Variants in HOOK3 observed in about 807,000 individuals in gnomAD.
The protein encoded by HOOK3 is protein Hook homolog 3.
In HOOK3, 24 loss-of-function variants were observed where a neutral mutation model predicts 116.3. The ratio of observed to expected loss-of-function variants is 0.21; its 90% CI spans 0.15 to 0.29. The LOEUF (loss-of-function observed/expected upper bound fraction) is 0.29, where lower values mean the gene tolerates loss of function less well. Among genes scored for constraint, HOOK3 ranks in the 10% least tolerant of loss-of-function variants. The pLI, the probability that HOOK3 is intolerant of heterozygous loss-of-function variation, is 1.00. For missense variants in HOOK3, 632 were observed against 830.2 expected (o/e 0.76, Z 2.93); for synonymous variants, 275 against 283.0 (o/e 0.97, Z 0.28).
chr8:42,965,094 G>A (rs1475031011), intron 9 of HOOK3, among the ~76,000 whole-genome samples: 1 of 152,242 alleles, frequency 6.6e-6, no homozygotes, highest in Non-Finnish European at 1.5e-5. Context: ...GACCGAGGAA[G>A]AACATTTGTG....
chr8:42,999,817 C>T (rs576061727), intron 16 of HOOK3, among the ~76,000 whole-genome samples: 4 of 152,070 alleles, frequency 2.6e-5, no homozygotes, highest in South Asian at 2.1e-4. Context: ...GATGAGGAGA[C>T]GGTAGAAAAA....
chr8:42,941,258 G>T (rs1178829481), intron 4 of HOOK3, among the ~76,000 whole-genome samples: 1 of 149,016 alleles, frequency 6.7e-6, no homozygotes, highest in Admixed American at 6.6e-5. Context: ...GCTCACACCT[G>T]TAATCCCAGC....
chr8:42,916,114 TCTC>T (rs1385691991), intron 2 of HOOK3, among the ~76,000 whole-genome samples: 4 of 152,116 alleles, frequency 2.6e-5, no homozygotes, highest in Admixed American at 2.6e-4. Flanking sequence ...CCCTTCCCAC[TCTC>T]CTCACCACCT....
chr8:42,978,800 T>C (rs922561907), intron 13 of HOOK3, among the ~76,000 whole-genome samples: 3 of 152,008 alleles, frequency 2.0e-5, no homozygotes, highest in Non-Finnish European at 4.4e-5. Context: ...CTGCCCACCA[T>C]GGCCTCCCAA....
chr8:42,937,620 C>T (rs926601189), intron 4 of HOOK3, among the ~76,000 whole-genome samples: 8 of 152,150 alleles, frequency 5.3e-5, no homozygotes, highest in African/African-American at 1.7e-4. Flanking sequence ...AGAGAACTTA[C>T]TTATTTCTGC....
intron 4 of HOOK3, among the ~76,000 whole-genome samples, chr8:42,941,308 G>T (rs1399855693): frequency 3.3e-5 from 5 of 149,786 alleles, no homozygotes; most frequent in Middle Eastern, 3.2e-3. Flanking sequence ...GAGGTCAGGA[G>T]ATCTAGACCA....
At position 42,974,028 on chromosome 8, in the gene HOOK3, T is replaced by A. The variant is rs1808773013; in HGVS notation, c.1234-79T>A. The stretch of plus-strand genomic sequence containing the variant: ...TCATGTTCACTATTGTTTATCATTC[T>A]ATTAGGTAAGGCAGAGGCCACTGAT... On this transcript the variant is annotated intron_variant, in intron 12 of 21. Transcript: ENST00000307602. 5 of 934,128 alleles carry A rather than the reference T, an allele frequency of 5.4e-6. No individual in the cohort carries two copies. The South Asian group carries it at 6.9e-5, about 13-fold the overall frequency. 57.9% of individuals were successfully genotyped at this position (934,128 alleles called of 1,614,324 possible).
intron 3 of HOOK3, among the ~76,000 whole-genome samples, chr8:42,927,999 T>C (rs1807801551): frequency 6.6e-6 from 1 of 151,704 alleles, no homozygotes; most frequent in African/African-American, 2.4e-5. Context: ...ATAGAAAAAT[T>C]AGGCCCGGCA....
At position 43,025,002 on chromosome 8, in the gene HOOK3, T is replaced by G. The variant is rs1444287795; in HGVS notation, c.*6504T>G. On this transcript the variant is annotated 3_prime_UTR_variant, in exon 22 of 22. Transcript: ENST00000307602. ...CAAACCATTTCACATGTATTATCTA[T>G]ATGACTATAGAAACTTATAAAACAT... 5 of 203,410 alleles carry G rather than the reference T, an allele frequency of 2.5e-5. No homozygotes were observed. Among genetic ancestry groups the G allele is most frequent in the African/African-American group, 1.1e-4 (5 of 43,788 alleles). 12.6% of individuals were successfully genotyped at this position (203,410 alleles called of 1,614,324 possible). A position where few individuals can be genotyped will look rare whatever the true frequency, so the allele number is the denominator to read the frequency against.
At chr8:42,904,090 A>C (rs1164420598) in intron 1 of HOOK3, among the ~76,000 whole-genome samples, 2 of 152,166 alleles carry the variant, frequency 1.3e-5, no homozygotes, top group Non-Finnish European at 2.9e-5. Flanking sequence ...AAAACCGTAA[A>C]ATGTTCATAC....
chr8:42,966,402 C>A, intron 9 of HOOK3, 71 bp from the exon 10 acceptor site: 1 of 1,490,074 alleles, frequency 6.7e-7, no homozygotes. Context: ...TTATATCTTT[C>A]TTTTACTGTT....
At chr8:42,984,267 G>T (rs578124283) in intron 14 of HOOK3, among the ~76,000 whole-genome samples, 1 of 151,648 alleles carries the variant, frequency 6.6e-6, no homozygotes, top group South Asian at 2.1e-4. Flanking sequence ...ACTCGGGAGG[G>T]TGAGGTAGGA....
intron 15 of HOOK3, among the ~76,000 whole-genome samples, chr8:42,991,619 C>G (rs1418404879): frequency 6.6e-6 from 1 of 152,138 alleles, no homozygotes; most frequent in African/African-American, 2.4e-5. Flanking sequence ...CTGGGCTGGT[C>G]TCGAACTCCT....
intron 21 of HOOK3, among the ~76,000 whole-genome samples, chr8:43,016,779 T>C (rs1322667246): frequency 6.6e-6 from 1 of 152,248 alleles, no homozygotes; most frequent in East Asian, 1.9e-4. Flanking sequence ...AACTTTAAAT[T>C]CTCTGATTTC....
Position 42,943,420 on chromosome 8 carries a change from T to C in HOOK3, c.375T>C (p.Cys125=), listed in dbSNP as rs1031307095. 2 of 1,514,682 alleles carry C rather than the reference T, an allele frequency of 1.3e-6. No individual in the cohort carries two copies. Among genetic ancestry groups the C allele is most frequent in the South Asian group, 1.4e-5 (1 of 70,154 alleles). 93.8% of individuals were successfully genotyped at this position (1,514,682 alleles called of 1,614,324 possible). A position where few individuals can be genotyped will look rare whatever the true frequency, so the allele number is the denominator to read the frequency against. ...GGATGCTTCAGCTCATCTTAGGCTG[T>C]GCTGTGAACTGTGAACAGAAGCAAG... ...LGRMLQLILG[C]AVNCEQKQEY... The change falls in exon 5 of 22, where the codon TGT becomes TGC. Residue 125 remains cysteine (C), a synonymous_variant. Transcript: ENST00000307602.
intron 19 of HOOK3, among the ~76,000 whole-genome samples, chr8:43,011,002 T>C (rs1412439469): frequency 6.6e-6 from 1 of 151,774 alleles, no homozygotes; most frequent in Non-Finnish European, 1.5e-5. Flanking sequence ...CCATTTTCTT[T>C]TTTTTTTTGA....
chr8:42,916,360 T>C (rs950990370), intron 2 of HOOK3, among the ~76,000 whole-genome samples: 1 of 152,244 alleles, frequency 6.6e-6, no homozygotes, highest in African/African-American at 2.4e-5. Flanking sequence ...GTCAACATTT[T>C]CTCTGACACC....
At chr8:43,010,879 A>G (rs1330379901) in intron 19 of HOOK3, among the ~76,000 whole-genome samples, 2 of 152,196 alleles carry the variant, frequency 1.3e-5, no homozygotes, top group Admixed American at 6.6e-5. Context: ...GAAAACAAGA[A>G]CAGGCCGTGG....
intron 6 of HOOK3, among the ~76,000 whole-genome samples, chr8:42,955,556 G>A (rs530310685): frequency 2.6e-5 from 4 of 152,278 alleles, no homozygotes; most frequent in Admixed American, 2.0e-4. Flanking sequence ...CCTAGGAATC[G>A]AAAGTAGGGA....
Sources: gnomAD v4.1 joint callset for allele counts (sites outside exome capture counted in the v4.1 genomes callset) on GRCh38, gnomAD v4.1.1 for gene constraint, MANE v1.5 for transcripts, NCBI Gene and HGNC (gene_info 2026-07-23, HGNC 2026-07-21) for gene names.